ELAVL3: variants seen among roughly 807,000 people sequenced by gnomAD.
ELAVL3 encodes ELAV-like protein 3.
Under a neutral mutation model 34.2 loss-of-function variants are expected in ELAVL3, and 8 were observed. The ratio of observed to expected loss-of-function variants is 0.23; its 90% CI spans 0.14 to 0.42. ELAVL3 has a LOEUF of 0.42. Ranked by LOEUF, ELAVL3 falls within the 10% of genes least tolerant of loss-of-function variation. ELAVL3 has a pLI of 1.00. For missense variants in ELAVL3, 273 were observed against 518.8 expected, an observed-to-expected ratio of 0.53 and a Z score of 4.60; for synonymous variants, 209 against 222.1, an observed-to-expected ratio of 0.94 and a Z score of 0.53.
chr19:11,470,391 C>A (rs1404823763), intron 1 of ELAVL3, among the ~76,000 whole-genome samples: 2 of 151,236 alleles, frequency 1.3e-5, no homozygotes, highest in East Asian at 3.9e-4. Flanking sequence ...TAAGGCCGGG[C>A]ATGGTGGCTC....
chr19:11,460,435 C>G (rs1288655047), intron 3 of ELAVL3, among the ~76,000 whole-genome samples: 1 of 151,774 alleles, frequency 6.6e-6, no homozygotes, highest in Admixed American at 6.6e-5. Context: ...TCAGAACCCT[C>G]TATGGCTCCC....
chr19:11,480,547 G>A lies in ELAVL3; in HGVS notation c.9+53C>T. 6.6e-7 allele frequency: 1 copy of A among 1,505,064 alleles called. No individual in the cohort carries two copies. The highest frequency in any genetic ancestry group is 8.9e-7 in the Non-Finnish European group (1 of 1,127,022). 93.2% of individuals were successfully genotyped at this position (1,505,064 alleles called of 1,614,324 possible). ...CACCCGCCCAATCTCCGCGGAGCCT[G>A]GGCCCAACTCCTCCCCGTCCCGATT... On this transcript the variant is annotated intron_variant, in intron 1 of 6. Transcript: ENST00000359227. The surrounding 1 kb of genome is among the most constrained non-coding windows in gnomAD (Gnocchi z 6.8).
chr19:11,465,006 CACAT>C (rs1176119492), intron 3 of ELAVL3, among the ~76,000 whole-genome samples: 132 of 127,892 alleles, frequency 1.0e-3, no homozygotes, highest in African/African-American at 3.9e-3. Context: ...ACACCACACA[CACAT>C]ACATACACAT....
At chr19:11,457,266 C>T in intron 5 of ELAVL3, 118 bp from the exon 6 acceptor site, 1 of 1,119,130 alleles carries the variant, frequency 8.9e-7, no homozygotes, top group Non-Finnish European at 1.2e-6. Context: ...CCTGCCCCCG[C>T]CTGCCTGCTC....
At chr19:11,465,292 CCACA>C (rs1232612468) in intron 3 of ELAVL3, among the ~76,000 whole-genome samples, 14 of 121,398 alleles carry the variant, frequency 1.2e-4, no homozygotes, top group South Asian at 4.7e-4. Flanking sequence ...CACACACACA[CCACA>C]CACACACACA....
Position 11,454,324 on chromosome 19 carries a change from C to A in ELAVL3, c.*202G>T, listed in dbSNP as rs1970720021. On this transcript the variant is annotated 3_prime_UTR_variant, in exon 7 of 7. Coordinates refer to ENST00000359227, the MANE Select transcript of ELAVL3 (RefSeq NM_001420.4). This position sits in a 1 kb window ranked among gnomAD's most constrained non-coding sequence, Gnocchi z 9.2. ...GGGGCAGGAGGATGGGGCGGGGGATCCCCGGGCACCCCCCCAATTCCCTGC... is the reference window on the plus strand; with the variant it reads ...GGGGCAGGAGGATGGGGCGGGGGATACCCGGGCACCCCCCCAATTCCCTGC... 2 of 578,906 alleles carry A rather than the reference C, an allele frequency of 3.5e-6. No homozygotes were observed. The highest frequency in any genetic ancestry group is 6.1e-6 in the Non-Finnish European group (2 of 329,508). 35.9% of individuals were successfully genotyped at this position (578,906 alleles called of 1,614,324 possible).
At chr19:11,462,723 T>C (rs1321428471) in intron 3 of ELAVL3, among the ~76,000 whole-genome samples, 1 of 151,184 alleles carries the variant, frequency 6.6e-6, no homozygotes, top group Non-Finnish European at 1.5e-5. Context: ...TTTGGGAGGC[T>C]TGAGGGGGGT....
At chr19:11,471,607 T>C (rs1403083854) in intron 1 of ELAVL3, among the ~76,000 whole-genome samples, 1 of 151,114 alleles carries the variant, frequency 6.6e-6, no homozygotes, top group Non-Finnish European at 1.5e-5. Context: ...AGAGAGACTC[T>C]GTCTCAAAAA....
At position 11,453,716 on chromosome 19, in the gene ELAVL3, ACTGT is replaced by A. The variant is rs1421266241; in HGVS notation, c.*806_*809del. On this transcript the variant is annotated 3_prime_UTR_variant, in exon 7 of 7. Transcript: ENST00000359227. Reference sequence around the variant, plus strand: ...TCTGTCCGTGTGTCCCCGTGGTGTGACTGTCTGCGTGGTTGTTTCTCTGTGTGGC... The same window carrying A: ...TCTGTCCGTGTGTCCCCGTGGTGTGACTGCGTGGTTGTTTCTCTGTGTGGC... 6.6e-6 allele frequency: 1 copy of A among 151,650 alleles called. No homozygotes were observed. The highest frequency in any genetic ancestry group is 1.5e-5 in the Non-Finnish European group (1 of 67,914). The allele number at this position is 151,650 out of a possible 1,614,324, so 9.4% of individuals were successfully genotyped here. A position where few individuals can be genotyped will look rare whatever the true frequency, so the allele number is the denominator to read the frequency against.
chr19:11,478,731 T>C (rs886186724), intron 1 of ELAVL3, among the ~76,000 whole-genome samples: 2 of 152,116 alleles, frequency 1.3e-5, no homozygotes, highest in Admixed American at 1.3e-4. Context: ...CCATCGCACA[T>C]ACATCTGACG....
rs1313384199 is a variant in ELAVL3, at chr19:11,452,452, G to A, written c.*2074C>T. The A allele has an allele frequency of 6.9e-6, 1 of 145,266 alleles. No individual in the cohort carries two copies. Among genetic ancestry groups the A allele is most frequent in the Non-Finnish European group, 1.5e-5 (1 of 66,516 alleles). The allele number at this position is 145,266 out of a possible 1,614,324, so 9.0% of individuals were successfully genotyped here. A position where few individuals can be genotyped will look rare whatever the true frequency, so the allele number is the denominator to read the frequency against. ...AAATTCAGCAAAAAAGTACAAGAAA[G>A]TTAACTGGTGCCAGTTTATGTCTTT... is the stretch of plus-strand genomic sequence containing the variant. On this transcript the variant is annotated 3_prime_UTR_variant, in exon 7 of 7. Coordinates refer to ENST00000359227, the MANE Select transcript of ELAVL3 (RefSeq NM_001420.4).
At chr19:11,475,632 GAGAC>G (rs1971248463) in intron 1 of ELAVL3, among the ~76,000 whole-genome samples, 1 of 86,814 alleles carries the variant, frequency 1.2e-5, no homozygotes, top group South Asian at 3.5e-4. Context: ...TTTTTTTTTT[GAGAC>G]AGAGTCTTGC....
intron 3 of ELAVL3, among the ~76,000 whole-genome samples, chr19:11,461,790 C>T (rs941577837): frequency 2.0e-5 from 3 of 152,094 alleles, no homozygotes; most frequent in Non-Finnish European, 4.4e-5. Context: ...TTCTAATTAA[C>T]CTCTTGATAG....
intron 3 of ELAVL3, among the ~76,000 whole-genome samples, chr19:11,465,459 C>T (rs923440841): frequency 2.0e-5 from 3 of 152,146 alleles, no homozygotes; most frequent in African/African-American, 7.2e-5. Flanking sequence ...TTCTGGGTCT[C>T]GTTGGCCATG....
At chr19:11,479,382 T>C (rs1171304541) in intron 1 of ELAVL3, among the ~76,000 whole-genome samples, 1 of 151,842 alleles carries the variant, frequency 6.6e-6, no homozygotes, top group Non-Finnish European at 1.5e-5. Context: ...CCCCCAGTGC[T>C]AGCCACGACT....
intron 3 of ELAVL3, among the ~76,000 whole-genome samples, chr19:11,465,588 A>AT (rs2144896092): frequency 7.1e-6 from 1 of 140,532 alleles, no homozygotes; most frequent in African/African-American, 2.6e-5. Context: ...CAGATGGGCC[A>AT]CCCCCCCGAC....
chr19:11,479,049 G>A (rs1284121082), intron 1 of ELAVL3, among the ~76,000 whole-genome samples: 1 of 152,092 alleles, frequency 6.6e-6, no homozygotes, highest in Non-Finnish European at 1.5e-5. Flanking sequence ...GGAGAACCTA[G>A]GTCCTCAAGG....
chr19:11,463,258 C>T (rs1002603173), intron 3 of ELAVL3, among the ~76,000 whole-genome samples: 4 of 152,136 alleles, frequency 2.6e-5, no homozygotes, highest in Non-Finnish European at 4.4e-5. Flanking sequence ...GCCTGGCCCG[C>T]GGCAGGCAGC....
Position 11,451,495 on chromosome 19 carries a change from T to TTTTTTTTTTTTTTTTTTTTTTTTC in ELAVL3, c.*3030_*3031insGAAAAAAAAAAAAAAAAAAAAAAA, listed in dbSNP as rs1970630744. 1 of 98,168 alleles carries TTTTTTTTTTTTTTTTTTTTTTTTC rather than the reference T, an allele frequency of 1.0e-5. No individual in the cohort carries two copies. 6.1% of individuals were successfully genotyped at this position (98,168 alleles called of 1,614,324 possible). The stretch of plus-strand genomic sequence containing the variant: ...TTTTTTTTTTGTCTTTTGTTTTGTC[T>TTTTTTTTTTTTTTTTTTTTTTTTC]TTTTTTTTTTTTTTTTTTTTACAGT... On this transcript the variant is annotated 3_prime_UTR_variant, in exon 7 of 7. Transcript: ENST00000359227.
Sources: gnomAD v4.1 joint callset for allele counts (sites outside exome capture counted in the v4.1 genomes callset) on GRCh38, gnomAD v4.1.1 for gene constraint, Gnocchi (gnomAD v3.1) non-coding constraint, MANE v1.5 for transcripts, NCBI Gene and HGNC (gene_info 2026-07-23, HGNC 2026-07-21) for gene names.